The following ARID2 variants were observed in gnomAD, a reference collection of about 807,000 sequenced individuals.
ARID2 encodes AT-rich interactive domain-containing protein 2.
Under a neutral mutation model 184.6 loss-of-function variants are expected in ARID2, and 32 were observed. The ratio of observed to expected loss-of-function variants is 0.17; its 90% CI spans 0.13 to 0.23. The LOEUF (loss-of-function observed/expected upper bound fraction) is 0.23, where lower values mean the gene tolerates loss of function less well. ARID2 is among the 10% of genes least tolerant of loss of function. The probability of loss-of-function intolerance (pLI) is 1.00; values close to 1 mark genes in which losing one functional copy is unlikely to be tolerated. For missense variants in ARID2, 1,696 were observed against 2,197.6 expected, an observed-to-expected ratio of 0.77 and a Z score of 4.56; for synonymous variants, 836 against 772.6, an observed-to-expected ratio of 1.08 and a Z score of -1.36.
chr12:45,748,166 A>G (rs1941394055), intron 3 of ARID2, among the ~76,000 whole-genome samples: 1 of 152,132 alleles, frequency 6.6e-6, no homozygotes, highest in Non-Finnish European at 1.5e-5. Context: ...AGTTTGAGAC[A>G]ACCTAGGCAG....
At chr12:45,857,679 C>T (rs1398863375) in intron 15 of ARID2, among the ~76,000 whole-genome samples, 1 of 152,112 alleles carries the variant, frequency 6.6e-6, no homozygotes, top group Non-Finnish European at 1.5e-5. Context: ...AATCTCTTTT[C>T]CAGTGATTTC....
In ARID2 at chr12:45,852,374, T is replaced by C. The variant is rs765814188; in HGVS notation, c.4251T>C (p.Asn1417=). 22 of 1,614,098 alleles carry C rather than the reference T, an allele frequency of 1.4e-5. No homozygotes were observed. Among genetic ancestry groups the C allele is most frequent in the Non-Finnish European group, 1.9e-5 (22 of 1,180,034 alleles). ...AKGDQLERIS[N]GPVLTLGGSS... ...GTGATCAACTAGAAAGAATTTCTAA[T>C]GGACCTGTATTAACTTTGGGTGGTT... Residue 1417 remains asparagine, a synonymous_variant, in exon 15 of 21, where the codon AAT becomes AAC. Coordinates refer to ENST00000334344, the MANE Select transcript of ARID2 (RefSeq NM_152641.4).
rs200544440 is a variant in ARID2, at chr12:45,869,021, TTTTTG to T, written c.4922+8077_4922+8081del. Among the ~76,000 whole-genome samples, 12 of 97,756 alleles carry T rather than the reference TTTTTG, an allele frequency of 1.2e-4. No homozygotes were observed. In the East Asian group the frequency reaches 2.9e-3, roughly 24 times the overall value. The allele number at this position is 97,756 out of a possible 152,430, so 64.1% of individuals were successfully genotyped here. A position where few individuals can be genotyped will look rare whatever the true frequency, so the allele number is the denominator to read the frequency against. On this transcript the variant is annotated intron_variant, in intron 16 of 20. Coordinates refer to ENST00000334344, the MANE Select transcript of ARID2 (RefSeq NM_152641.4). ...ATGTTGGGATTTGGGTTGCAATTGC[TTTTTG>T]TTTTTTTTTTTGAGATGGAGTCTCG...
At chr12:45,883,998 T>A (rs572541844) in intron 16 of ARID2, among the ~76,000 whole-genome samples, 1 of 152,310 alleles carries the variant, frequency 6.6e-6, no homozygotes, top group East Asian at 1.9e-4. Flanking sequence ...AATTTAAAAG[T>A]TTAAAATTAT....
intron 2 of ARID2, 92 bp downstream of exon 2, chr12:45,730,229 G>A (rs1940954012): frequency 2.3e-6 from 3 of 1,284,096 alleles, no homozygotes; most frequent in Admixed American, 2.3e-5. Context: ...GGCTGGGGGG[G>A]TGGCCCGCGG....
intron 3 of ARID2, among the ~76,000 whole-genome samples, chr12:45,801,816 GAA>G (rs762877665): frequency 4.5e-4 from 69 of 151,988 alleles, no homozygotes; most frequent in Non-Finnish European, 6.2e-4. Context: ...GAGAGAGAGA[GAA>G]AGAATGAGAA....
chr12:45,809,937 TTCC>T (rs1942672706), intron 3 of ARID2, among the ~76,000 whole-genome samples: 2 of 152,174 alleles, frequency 1.3e-5, no homozygotes, highest in South Asian at 4.1e-4. Context: ...AAAATAATAC[TTCC>T]AGGATACTCT....
intron 5 of ARID2, among the ~76,000 whole-genome samples, chr12:45,818,989 C>A (rs914160447): frequency 6.6e-6 from 1 of 152,116 alleles, no homozygotes; most frequent in Non-Finnish European, 1.5e-5. Flanking sequence ...TGGCTTTTCA[C>A]ATCACTTTTA....
intron 3 of ARID2, among the ~76,000 whole-genome samples, chr12:45,743,332 G>T (rs919937799): frequency 6.6e-6 from 1 of 152,124 alleles, no homozygotes; most frequent in African/African-American, 2.4e-5. Flanking sequence ...TTGCACCACT[G>T]CCCTCTAGCC....
chr12:45,855,983 G>A (rs1943640173), intron 15 of ARID2, among the ~76,000 whole-genome samples: 1 of 151,676 alleles, frequency 6.6e-6, no homozygotes, highest in Admixed American at 6.6e-5. Context: ...CCCGCGCCTT[G>A]GCCTCCCAAA....
intron 3 of ARID2, among the ~76,000 whole-genome samples, chr12:45,744,367 T>C (rs1941319022): frequency 6.6e-6 from 1 of 152,200 alleles, no homozygotes; most frequent in African/African-American, 2.4e-5. Context: ...TTTTGTGTTA[T>C]CTACTACAGT....
chr12:45,865,140 T>G (rs1268658568), intron 16 of ARID2, among the ~76,000 whole-genome samples: 1 of 152,202 alleles, frequency 6.6e-6, no homozygotes, highest in Non-Finnish European at 1.5e-5. Flanking sequence ...TGTTTGATAG[T>G]TTTCCTGCTC....
chr12:45,905,925 T>G lies in ARID2; in HGVS notation c.*847T>G, dbSNP rs1220097632. On this transcript the variant is annotated 3_prime_UTR_variant, in exon 21 of 21. Coordinates refer to ENST00000334344, the MANE Select transcript of ARID2 (RefSeq NM_152641.4). The stretch of plus-strand genomic sequence containing the variant: ...CAAAACAGTTTTGTGGAACTGTGAT[T>G]TTTTTTTCTTTTTTCTTTTTTTTTT... 1 of 230,462 alleles carries G rather than the reference T, an allele frequency of 4.3e-6. No homozygotes were observed. The highest frequency in any genetic ancestry group is 6.1e-5 in the East Asian group (1 of 16,436). 14.3% of individuals were successfully genotyped at this position (230,462 alleles called of 1,614,324 possible).
At chr12:45,820,662 C>T (rs1361958323) in intron 5 of ARID2, among the ~76,000 whole-genome samples, 1 of 152,100 alleles carries the variant, frequency 6.6e-6, no homozygotes, top group East Asian at 1.9e-4. Context: ...GGGAAAAATA[C>T]ATTGTATCAC....
At chr12:45,830,901 C>CA (rs1439366542) in intron 6 of ARID2, among the ~76,000 whole-genome samples, 1 of 151,784 alleles carries the variant, frequency 6.6e-6, no homozygotes, top group Non-Finnish European at 1.5e-5. Context: ...ACTAAAAATA[C>CA]AAAAAAATTA....
At chr12:45,804,354 A>G (rs1344204848) in intron 3 of ARID2, among the ~76,000 whole-genome samples, 7 of 152,094 alleles carry the variant, frequency 4.6e-5, no homozygotes, top group Admixed American at 4.6e-4. Flanking sequence ...TCTTTGATCT[A>G]CAGATGAGTT....
intron 10 of ARID2, among the ~76,000 whole-genome samples, chr12:45,838,887 A>G (rs1209254179): frequency 1.4e-5 from 2 of 145,392 alleles, no homozygotes; most frequent in East Asian, 4.0e-4. Flanking sequence ...TTTTTTTGAG[A>G]CAGAATCTCA....
chr12:45,891,716 T>A (rs2138231475), intron 16 of ARID2, 64 bp from the exon 17 acceptor site: 1 of 1,561,152 alleles, frequency 6.4e-7, no homozygotes, highest in Non-Finnish European at 8.7e-7. Context: ...GCAGAGAAAT[T>A]TTTGAAATAG....
chr12:45,881,783 G>C (rs1370648033), intron 16 of ARID2: 1 of 188,646 alleles, frequency 5.3e-6, no homozygotes, highest in Non-Finnish European at 1.1e-5. Flanking sequence ...CAGAATCAAG[G>C]GTCCTGGACT....
Sources: gnomAD v4.1 joint callset for allele counts (sites outside exome capture counted in the v4.1 genomes callset) on GRCh38, gnomAD v4.1.1 for gene constraint, MANE v1.5 for transcripts, NCBI Gene and HGNC (gene_info 2026-07-23, HGNC 2026-07-21) for gene names.